Variants in MFF observed in about 807,000 individuals in gnomAD.
The protein encoded by MFF is mitochondrial fission factor.
In MFF, 12 loss-of-function variants were observed where a neutral mutation model predicts 36.9. That is an observed-to-expected ratio of 0.33 (90% CI 0.21 to 0.53). The LOEUF is 0.53. Ranked by LOEUF, MFF falls within the 20% of genes least tolerant of loss-of-function variation. The pLI is 0.95. For synonymous variants in MFF, 99 were observed against 126.2 expected, an observed-to-expected ratio of 0.78 and a Z score of 1.44; for missense variants, 348 against 366.6, an observed-to-expected ratio of 0.95 and a Z score of 0.42.
chr2:227,340,933 G>A (rs541528075), intron 5 of MFF, among the ~76,000 whole-genome samples: 2 of 152,094 alleles, frequency 1.3e-5, no homozygotes, highest in South Asian at 4.1e-4. Flanking sequence ...TTCGAAAACT[G>A]GTCAGAATTT....
chr2:227,338,683 A>T (rs1382298478), intron 4 of MFF, among the ~76,000 whole-genome samples: 2 of 150,930 alleles, frequency 1.3e-5, no homozygotes, highest in African/African-American at 4.9e-5. Flanking sequence ...TACAAAAATG[A>T]GCAAGGTGTG....
At chr2:227,353,623 C>T (rs376424630) in intron 7 of MFF, among the ~76,000 whole-genome samples, 23 of 152,092 alleles carry the variant, frequency 1.5e-4, no homozygotes, top group African/African-American at 5.6e-4. Context: ...AGCCAGTGGT[C>T]TAACTTAGCA....
At chr2:227,349,336 A>G (rs1429449428) in intron 6 of MFF, among the ~76,000 whole-genome samples, 2 of 152,250 alleles carry the variant, frequency 1.3e-5, no homozygotes, top group African/African-American at 4.8e-5. Flanking sequence ...AAATCGTATT[A>G]GTATAAACTT....
chr2:227,340,409 G>A lies in MFF; in HGVS notation c.440+29G>A, dbSNP rs552485829. 1.4e-5 allele frequency: 21 copies of A among 1,532,088 alleles called. No individual in the cohort carries two copies. The East Asian group carries it at 2.3e-4, about 16-fold the overall frequency. The allele number at this position is 1,532,088 out of a possible 1,614,324, so 94.9% of individuals were successfully genotyped here. On this transcript the variant is annotated intron_variant, in intron 5 of 8. Coordinates refer to ENST00000304593, the MANE Select transcript of MFF (RefSeq NM_001277062.2). Reference sequence around the variant, plus strand: ...AGTAGAAGCACTAGCATTTTATCTCGTTTGTAAGTTTTCTCAGGATATTTT... The same window carrying A: ...AGTAGAAGCACTAGCATTTTATCTCATTTGTAAGTTTTCTCAGGATATTTT...
At chr2:227,354,245 T>A (rs2106466780) in intron 7 of MFF, among the ~76,000 whole-genome samples, 1 of 152,332 alleles carries the variant, frequency 6.6e-6, no homozygotes, top group East Asian at 1.9e-4. Flanking sequence ...TTTAACAATA[T>A]TTAAAACAAA....
chr2:227,348,081 A>G (rs1295215019), intron 6 of MFF, among the ~76,000 whole-genome samples: 1 of 152,126 alleles, frequency 6.6e-6, no homozygotes. Flanking sequence ...TTTTTGGCAT[A>G]GTGTGGGAAA....
intron 2 of MFF, 151 bp from the exon 3 acceptor site, chr2:227,330,475 T>G (rs969873626): frequency 5.0e-6 from 3 of 596,416 alleles, no homozygotes; most frequent in Non-Finnish European, 9.0e-6. Flanking sequence ...ACATTTTCTT[T>G]CATCTTTTAT....
At chr2:227,352,399 GA>G (rs1265976323) in intron 6 of MFF, 114 bp from the exon 7 acceptor site, 2 of 765,574 alleles carry the variant, frequency 2.6e-6, no homozygotes, top group African/African-American at 1.7e-5. Flanking sequence ...ATATTGTATT[GA>G]AATATACAAT....
intron 5 of MFF, among the ~76,000 whole-genome samples, chr2:227,340,806 T>C (rs1445145272): frequency 6.6e-6 from 1 of 152,230 alleles, no homozygotes; most frequent in Non-Finnish European, 1.5e-5. Context: ...TTTAAACCTT[T>C]CTTTTTCATT....
chr2:227,347,580 C>T (rs1365776821), intron 6 of MFF, among the ~76,000 whole-genome samples, 196 bp downstream of exon 6: 14 of 152,180 alleles, frequency 9.2e-5, no homozygotes, highest in Admixed American at 9.2e-4. Context: ...ATTACATTAG[C>T]TTTCCTTCTG....
intron 4 of MFF, among the ~76,000 whole-genome samples, chr2:227,337,867 T>C (rs1398933715): frequency 1.3e-5 from 2 of 151,842 alleles, no homozygotes; most frequent in African/African-American, 2.4e-5. Flanking sequence ...GCCAACATGG[T>C]GAAACCCCAT....
At chr2:227,330,554 C>A (rs2074493615) in intron 2 of MFF, 72 bp from the exon 3 acceptor site, 34 of 1,017,826 alleles carry the variant, frequency 3.3e-5, no homozygotes, top group Non-Finnish European at 4.9e-5. Flanking sequence ...AAGGTATTGT[C>A]TTCTAACTTC....
rs555978161 is a variant in MFF at position 227,347,238 on chromosome 2, G to A, written c.453G>A (p.Ser151=). Residue 151 remains serine (S), a synonymous_variant, in exon 6 of 9, where the codon TCG becomes TCA. Coordinates refer to ENST00000304593, the MANE Select transcript of MFF (RefSeq NM_001277062.2). ...LVRNDSLVTP[S]PQQARVCPPH... is the part of the protein sequence containing the mutation. ...CTTGTGTAAACAGTGTGACACCATC[G>A]CCACAACAGGCTCGGGTCTGTCCTC... 131 of 1,613,418 alleles carry A rather than the reference G, an allele frequency of 8.1e-5. No homozygotes were observed. The South Asian group carries it at 9.8e-4, about 12-fold the overall frequency.
intron 6 of MFF, among the ~76,000 whole-genome samples, chr2:227,348,082 G>T (rs56022659): frequency 6.6e-6 from 1 of 151,902 alleles, no homozygotes; most frequent in Non-Finnish European, 1.5e-5. Flanking sequence ...TTTTGGCATA[G>T]TGTGGGAAAG....
intron 2 of MFF, 109 bp from the exon 3 acceptor site, chr2:227,330,517 T>C: frequency 1.4e-6 from 1 of 722,478 alleles, no homozygotes; most frequent in Non-Finnish European, 2.3e-6. Context: ...TACTTGCAAA[T>C]GAGAAGTTTC....
intron 4 of MFF, among the ~76,000 whole-genome samples, chr2:227,337,598 A>C (rs2075102509): frequency 6.6e-6 from 1 of 152,194 alleles, no homozygotes; most frequent in East Asian, 1.9e-4. Context: ...AAGCATGCAA[A>C]GTGTCTAGTG....
intron 6 of MFF, among the ~76,000 whole-genome samples, chr2:227,349,742 A>G (rs2075894497): frequency 6.6e-6 from 1 of 152,194 alleles, no homozygotes; most frequent in Admixed American, 6.5e-5. Context: ...AGAAATAGGA[A>G]TGTGAAATTT....
At chr2:227,327,684 G>A (rs758389196) in intron 1 of MFF, among the ~76,000 whole-genome samples, 31 of 152,200 alleles carry the variant, frequency 2.0e-4, no homozygotes, top group Non-Finnish European at 3.4e-4. Context: ...CCTATGAGAT[G>A]TACTACTAGA....
At chr2:227,356,019 A>G (rs1409992988) in intron 8 of MFF, among the ~76,000 whole-genome samples, 1 of 152,202 alleles carries the variant, frequency 6.6e-6, no homozygotes, top group Non-Finnish European at 1.5e-5. Flanking sequence ...TACAGCCATC[A>G]GTTGCTTGTT....
Sources: allele counts gnomAD v4.1 joint callset (sites outside exome capture counted in the v4.1 genomes callset), GRCh38; gene constraint gnomAD v4.1.1; transcripts MANE v1.5; gene names NCBI Gene and HGNC (gene_info 2026-07-23, HGNC 2026-07-21).